ZNF83: variants seen among roughly 807,000 people sequenced by gnomAD.
ZNF83 encodes zinc finger protein 83, also known as zinc finger protein 816B.
For synonymous variants in ZNF83, 209 were observed against 213.0 expected, an observed-to-expected ratio of 0.98 and a Z score of 0.17; for missense variants, 552 against 629.9, an observed-to-expected ratio of 0.88 and a Z score of 1.32.
chr19:52,638,984 TCTC>T (rs1210740839), upstream of ZNF83, among the ~76,000 whole-genome samples: 13 of 152,210 alleles, frequency 8.5e-5, no homozygotes, highest in African/African-American at 3.1e-4. Flanking sequence ...CGTCTCTCTC[TCTC>T]TTTTCTTTTT....
At chr19:52,689,915 G>A (rs900154422) in intron 1 of ZNF83, among the ~76,000 whole-genome samples, 1 of 152,208 alleles carries the variant, frequency 6.6e-6, no homozygotes, top group Non-Finnish European at 1.5e-5. Flanking sequence ...GGGCTCAGGA[G>A]AAGCGGTGAC....
intron 1 of ZNF83, among the ~76,000 whole-genome samples, chr19:52,680,652 G>T (rs1381319722): frequency 7.9e-5 from 9 of 114,054 alleles, no homozygotes; most frequent in African/African-American, 1.1e-4. Context: ...TCGCTCTGTC[G>T]CCCAGGCTGG....
intron 1 of ZNF83, among the ~76,000 whole-genome samples, chr19:52,670,788 G>T (rs562598799): frequency 2.0e-5 from 3 of 152,234 alleles, no homozygotes; most frequent in Admixed American, 2.0e-4. Context: ...AGAAAGGTGG[G>T]ACAACTCAAA....
chr19:52,615,198 C>T (rs1048697446), intron 2 of ZNF83, among the ~76,000 whole-genome samples: 7 of 152,092 alleles, frequency 4.6e-5, no homozygotes, highest in Non-Finnish European at 8.8e-5. Flanking sequence ...TCAGAGAAAA[C>T]ATTCTTTGGA....
intron 2 of ZNF83, among the ~76,000 whole-genome samples, chr19:52,657,862 C>CTAGTTAAAACTTAAAGTATAATAATA (rs2061526840): frequency 2.0e-5 from 3 of 150,916 alleles, no homozygotes; most frequent in African/African-American, 7.3e-5. Flanking sequence ...AAAAAACAGG[C>CTAGTTAAAACTTAAAGTATAATAATA]ATGGTGGCTC....
chr19:52,629,504 C>T (rs568868572), intron 2 of ZNF83, among the ~76,000 whole-genome samples: 4 of 152,164 alleles, frequency 2.6e-5, no homozygotes, highest in Non-Finnish European at 5.9e-5. Context: ...CTCCGCTCCT[C>T]CACCCTGTAA....
intron 1 of ZNF83, among the ~76,000 whole-genome samples, chr19:52,684,360 A>T (rs74633034): frequency 0.024 from 3,589 of 151,872 alleles, 152 homozygotes; most frequent in African/African-American, 0.082. Context: ...AGTGAGACTC[A>T]AAAATAAAAT....
intron 1 of ZNF83, among the ~76,000 whole-genome samples, chr19:52,681,302 G>C (rs1395593003): frequency 1.5e-5 from 1 of 66,654 alleles, no homozygotes. Context: ...AAAAAAAAAA[G>C]CAAACGAACA....
chr19:52,615,529 A>G lies in ZNF83; in HGVS notation c.-233-732T>C, dbSNP rs373582911. Among the ~76,000 whole-genome samples the G allele has an allele frequency of 2.2e-4, 34 of 152,308 alleles. No homozygotes were observed. The East Asian group carries it at 3.3e-3, about 15-fold the overall frequency. On this transcript the variant is annotated intron_variant, in intron 2 of 2. Coordinates refer to ENST00000301096, the Ensembl canonical transcript of ZNF83. ...CACGGTGAGTGAATCATCTGAGGTC[A>G]GGAGTTCCAGACCAGCCTGACCAAC...
chr19:52,665,113 A>T (rs1298024687), intron 1 of ZNF83, among the ~76,000 whole-genome samples: 3 of 152,208 alleles, frequency 2.0e-5, no homozygotes, highest in Admixed American at 2.0e-4. Flanking sequence ...ACCAATTAGA[A>T]ATCCTCTCCC....
intron 2 of ZNF83, among the ~76,000 whole-genome samples, chr19:52,631,734 C>G (rs927946234): frequency 6.6e-6 from 1 of 152,124 alleles, no homozygotes; most frequent in African/African-American, 2.4e-5. Flanking sequence ...CTGTTCTTCA[C>G]CTGATCACGC....
chr19:52,664,188 T>A (rs1402733346), intron 1 of ZNF83, among the ~76,000 whole-genome samples: 1 of 148,868 alleles, frequency 6.7e-6, no homozygotes, highest in Admixed American at 6.7e-5. Flanking sequence ...AGGCCTATTT[T>A]TTTTTTTTTT....
At chr19:52,655,379 C>T in intron 3 of ZNF83, 1 of 571,692 alleles carries the variant, frequency 1.7e-6, no homozygotes, top group Non-Finnish European at 3.0e-6. Context: ...TATGTAAAAC[C>T]ACTCCATAGG....
intron 3 of ZNF83, among the ~76,000 whole-genome samples, chr19:52,648,999 G>A (rs148193003): frequency 2.5e-3 from 385 of 152,176 alleles, no homozygotes; most frequent in Non-Finnish European, 4.2e-3. Context: ...CAGCTCCAGC[G>A]ACAGTTTTCA....
At chr19:52,614,596 G>A (rs752141797) in exon 3 of ZNF83, 2 of 1,540,428 alleles carry the variant, frequency 1.3e-6, no homozygotes, top group South Asian at 1.3e-5. Context: ...TTCCTTATAG[G>A]TCACACGCAC....
chr19:52,665,928 A>AGGCG (rs2061644230), intron 1 of ZNF83, among the ~76,000 whole-genome samples: 1 of 152,054 alleles, frequency 6.6e-6, no homozygotes, highest in East Asian at 1.9e-4. Context: ...TGGGAGGCTG[A>AGGCG]GGTGGGCAAA....
intron 1 of ZNF83, among the ~76,000 whole-genome samples, chr19:52,668,830 G>A (rs1407894295): frequency 3.3e-5 from 5 of 152,162 alleles, no homozygotes; most frequent in Non-Finnish European, 1.5e-5. Flanking sequence ...GGTGTGGGCT[G>A]GATGCTAGCT....
chr19:52,646,777 T>G (rs901553007), intron 3 of ZNF83, among the ~76,000 whole-genome samples: 1 of 152,218 alleles, frequency 6.6e-6, no homozygotes, highest in African/African-American at 2.4e-5. Flanking sequence ...AATCATTAAT[T>G]TTGACTATTT....
intron 1 of ZNF83, among the ~76,000 whole-genome samples, chr19:52,637,355 T>C (rs1318702654): frequency 1.3e-5 from 2 of 152,092 alleles, no homozygotes; most frequent in African/African-American, 2.4e-5. Flanking sequence ...TCTGTTCTCC[T>C]TGCCACCAGC....
Sources: gnomAD v4.1 joint callset for allele counts (sites outside exome capture counted in the v4.1 genomes callset) on GRCh38, gnomAD v4.1.1 for gene constraint, MANE v1.5 for transcripts, NCBI Gene and HGNC (gene_info 2026-07-23, HGNC 2026-07-21) for gene names.